The following KIF2A variants were observed in gnomAD, a reference collection of about 807,000 sequenced individuals.
The protein encoded by KIF2A is kinesin-like protein KIF2A.
KIF2A carries 22 observed loss-of-function variants against 100.2 expected under a neutral mutation model. The ratio of observed to expected loss-of-function variants is 0.22; its 90% CI spans 0.16 to 0.31. The LOEUF (loss-of-function observed/expected upper bound fraction) is 0.31, where lower values mean the gene tolerates loss of function less well. Ranked by LOEUF, KIF2A falls within the 10% of genes least tolerant of loss-of-function variation. The probability of loss-of-function intolerance (pLI) is 1.00; values close to 1 mark genes in which losing one functional copy is unlikely to be tolerated. For missense variants in KIF2A, 495 were observed against 898.7 expected, an observed-to-expected ratio of 0.55 and a Z score of 5.74; for synonymous variants, 268 against 285.9, an observed-to-expected ratio of 0.94 and a Z score of 0.63.
At chr5:62,341,745 A>C (rs1172876962) in intron 1 of KIF2A, among the ~76,000 whole-genome samples, 2 of 152,138 alleles carry the variant, frequency 1.3e-5, no homozygotes, top group Non-Finnish European at 2.9e-5. Context: ...GTTATGGTAC[A>C]TTAAGTCACT....
intron 17 of KIF2A, 51 bp from the exon 18 acceptor site, chr5:62,373,636 G>A (rs576666459): frequency 4.4e-5 from 61 of 1,386,672 alleles, no homozygotes; most frequent in Middle Eastern, 1.8e-4. Context: ...GTATTTTCTC[G>A]TTCCTCTGCA....
At chr5:62,376,783 C>T (rs1249147610) in intron 18 of KIF2A, among the ~76,000 whole-genome samples, 3 of 151,834 alleles carry the variant, frequency 2.0e-5, no homozygotes, top group Non-Finnish European at 4.4e-5. Context: ...TGAACATGGC[C>T]TGGAATCAGA....
In KIF2A at chr5:62,385,619, A is replaced by G. The variant is rs767590013; in HGVS notation, c.*50A>G. 17 of 1,307,292 alleles carry G rather than the reference A, an allele frequency of 1.3e-5. No individual in the cohort carries two copies. The highest frequency in any genetic ancestry group is 1.7e-5 in the Non-Finnish European group (16 of 924,458). 81.0% of individuals were successfully genotyped at this position (1,307,292 alleles called of 1,614,324 possible). A position where few individuals can be genotyped will look rare whatever the true frequency, so the allele number is the denominator to read the frequency against. On this transcript the variant is annotated 3_prime_UTR_variant, in exon 21 of 21. Transcript: ENST00000407818. ...CCCAGAACCCTCACTACTGTAACAT[A>G]CAACGGTTCAGCTGTAAGGGCCATT...
In KIF2A at chr5:62,326,693, G is replaced by A. The variant is rs1385041904; in HGVS notation, c.64+20157G>A. ...GGAAATGCTGTTATTTCTCCCATCC[G>A]AAAAAAAAAAAATCCTCTTAGGCTA... On this transcript the variant is annotated intron_variant, in intron 1 of 20. Transcript: ENST00000407818. 7.0e-5 allele frequency among the ~76,000 whole-genome samples: 10 copies of A among 143,402 alleles called. No individual in the cohort carries two copies. In the South Asian group the frequency reaches 8.9e-4, roughly 13 times the overall value. 94.1% of individuals were successfully genotyped at this position (143,402 alleles called of 152,430 possible). A position where few individuals can be genotyped will look rare whatever the true frequency, so the allele number is the denominator to read the frequency against.
At chr5:62,326,325 T>A (rs1165207500) in intron 1 of KIF2A, among the ~76,000 whole-genome samples, 1 of 152,112 alleles carries the variant, frequency 6.6e-6, no homozygotes, top group African/African-American at 2.4e-5. Context: ...CAAATAGAAA[T>A]CTTATTGATA....
At chr5:62,318,173 C>T (rs1442322662) in intron 1 of KIF2A, among the ~76,000 whole-genome samples, 26 of 152,056 alleles carry the variant, frequency 1.7e-4, no homozygotes, top group Non-Finnish European at 8.8e-5. Flanking sequence ...ACCTCCAACT[C>T]CCTGGTTCAA....
intron 1 of KIF2A, among the ~76,000 whole-genome samples, chr5:62,327,768 G>A (rs1175021357): frequency 6.6e-6 from 1 of 152,168 alleles, no homozygotes. Context: ...GGCTTTGAAA[G>A]TAGAAATTTC....
chr5:62,374,898 G>A (rs1391492980), intron 18 of KIF2A, among the ~76,000 whole-genome samples: 1 of 152,200 alleles, frequency 6.6e-6, no homozygotes, highest in Non-Finnish European at 1.5e-5. Context: ...CTGCACTCCA[G>A]TCTGGGCATC....
intron 1 of KIF2A, among the ~76,000 whole-genome samples, chr5:62,335,267 T>C (rs1366585535): frequency 1.3e-5 from 2 of 152,184 alleles, no homozygotes; most frequent in Non-Finnish European, 2.9e-5. Flanking sequence ...GAGCTGCGCA[T>C]GGAGCTATTG....
At position 62,330,481 on chromosome 5, in the gene KIF2A, G is replaced by C. The variant is rs147015283; in HGVS notation, c.65-16649G>C. Reference sequence around the variant, plus strand: ...TTATCTGGTGTGGAATGACTTGGAAGAAAGTATTTCCTTCAAGCATCTGTT... The same window carrying C: ...TTATCTGGTGTGGAATGACTTGGAACAAAGTATTTCCTTCAAGCATCTGTT... On this transcript the variant is annotated intron_variant, in intron 1 of 20. Coordinates refer to ENST00000407818, the MANE Select transcript of KIF2A (RefSeq NM_001098511.3). 1.2e-4 allele frequency among the ~76,000 whole-genome samples: 19 copies of C among 152,322 alleles called. No homozygotes were observed. The East Asian group carries it at 3.5e-3, about 28-fold the overall frequency.
rs954641530 is a variant in KIF2A at position 62,381,104 on chromosome 5, T to C, written c.2014-14T>C. 24 of 1,599,104 alleles carry C rather than the reference T, an allele frequency of 1.5e-5. No individual in the cohort carries two copies. Among genetic ancestry groups the C allele is most frequent in the Non-Finnish European group, 2.0e-5 (24 of 1,171,100 alleles). On this transcript the variant is annotated splice_polypyrimidine_tract_variant and intron_variant, in intron 19 of 20. Coordinates refer to ENST00000407818, the MANE Select transcript of KIF2A (RefSeq NM_001098511.3). ...AAAGATGCTTATTGGATTATCGAAT[T>C]TTTGTCCTTGTAGGAATCTATTCGG...
intron 1 of KIF2A, among the ~76,000 whole-genome samples, chr5:62,333,930 C>T (rs1451755759): frequency 1.3e-5 from 2 of 152,144 alleles, no homozygotes; most frequent in African/African-American, 4.8e-5. Flanking sequence ...TCCAAAGTAC[C>T]TGCTATTGAG....
At chr5:62,357,812 G>A in intron 8 of KIF2A, 67 bp downstream of exon 8, 1 of 980,942 alleles carries the variant, frequency 1.0e-6, no homozygotes, top group Non-Finnish European at 1.6e-6. Flanking sequence ...TTTTATAATA[G>A]CAAATCAAAT....
intron 1 of KIF2A, among the ~76,000 whole-genome samples, chr5:62,316,209 T>C (rs534309869): frequency 6.6e-6 from 1 of 152,358 alleles, no homozygotes; most frequent in South Asian, 2.1e-4. Context: ...GCTTAAGCTA[T>C]AACTAAGTAC....
At chr5:62,374,705 G>A (rs924326905) in intron 18 of KIF2A, among the ~76,000 whole-genome samples, 7 of 152,108 alleles carry the variant, frequency 4.6e-5, no homozygotes, top group African/African-American at 1.2e-4. Flanking sequence ...CGAGGTGGGC[G>A]GATCACTTAA....
At position 62,371,863 on chromosome 5, in the gene KIF2A, G is replaced by A. The variant is rs1214083438; in HGVS notation, c.1647-575G>A. Among the ~76,000 whole-genome samples, 3 of 152,346 alleles carry A rather than the reference G, an allele frequency of 2.0e-5. 1 individual carries two copies. The highest frequency in any genetic ancestry group is 3.9e-4 in the East Asian group (2 of 5,194). ...AATTTAAATTTCATTGCTAAAGGCT[G>A]TTCTCAACCAGAGTTCTTCATCTGA... On this transcript the variant is annotated intron_variant, in intron 16 of 20. Coordinates refer to ENST00000407818, the MANE Select transcript of KIF2A (RefSeq NM_001098511.3).
intron 1 of KIF2A, among the ~76,000 whole-genome samples, chr5:62,321,544 T>G (rs982879371): frequency 6.6e-6 from 1 of 152,170 alleles, no homozygotes; most frequent in Non-Finnish European, 1.5e-5. Context: ...TGTGTTCATT[T>G]ACCATTTGTT....
At chr5:62,367,276 T>G (rs1187399640) in intron 16 of KIF2A, among the ~76,000 whole-genome samples, 1 of 150,922 alleles carries the variant, frequency 6.6e-6, no homozygotes, top group East Asian at 1.9e-4. Flanking sequence ...TTTGTTTTGG[T>G]TTTTTTTTGA....
In KIF2A at chr5:62,390,045, C is replaced by T. The variant is rs1045424508; in HGVS notation, c.*4476C>T. 6.6e-6 allele frequency among the ~76,000 whole-genome samples: 1 copy of T among 152,102 alleles called. No individual in the cohort carries two copies. The highest frequency in any genetic ancestry group is 1.5e-5 in the Non-Finnish European group (1 of 68,012). On this transcript the variant is annotated 3_prime_UTR_variant, in exon 21 of 21. Transcript: ENST00000407818. ...TAGCCAGCCAATAAAATATAAACTC[C>T]ATTTGTCTTAGTTATATAGAACTGT... is the stretch of plus-strand genomic sequence containing the variant.
Sources: allele counts gnomAD v4.1 joint callset (sites outside exome capture counted in the v4.1 genomes callset), GRCh38; gene constraint gnomAD v4.1.1; transcripts MANE v1.5; gene names NCBI Gene and HGNC (gene_info 2026-07-23, HGNC 2026-07-21).